Variants in AP3M2 observed in about 807,000 individuals in gnomAD.
The protein encoded by AP3M2 is adaptor related protein complex 3 subunit mu 2.
In AP3M2, 28 loss-of-function variants were observed where a neutral mutation model predicts 41.6. That is an observed-to-expected ratio of 0.67 (90% confidence interval 0.50 to 0.92). The LOEUF (loss-of-function observed/expected upper bound fraction) is 0.92, where lower values mean the gene tolerates loss of function less well. Ranked by LOEUF, AP3M2 falls within the 40% of genes least tolerant of loss-of-function variation. The pLI, the probability that AP3M2 is intolerant of heterozygous loss-of-function variation, is 0.00. For missense variants in AP3M2, 427 were observed against 521.4 expected (o/e 0.82, Z 1.76); for synonymous variants, 193 against 186.4 (o/e 1.04, Z -0.29).
At chr8:42,155,969 T>C (rs138477374) in intron 2 of AP3M2, 4 of 455,950 alleles carry the variant, frequency 8.8e-6, no homozygotes, top group Non-Finnish European at 1.8e-5. Context: ...TTCCCTGCAA[T>C]ACTCTGTAGT....
chr8:42,167,843 G>C, intron 8 of AP3M2, 33 bp downstream of exon 8: 1 of 1,581,142 alleles, frequency 6.3e-7, no homozygotes, highest in Non-Finnish European at 8.5e-7. Context: ...GGCTCCAAAG[G>C]GAACAAAAAC....
rs1488339389 is a variant in AP3M2 at position 42,166,711 on chromosome 8, G to A, written c.804-453G>A. Among the ~76,000 whole-genome samples the A allele has an allele frequency of 2.6e-5, 4 of 151,786 alleles. No homozygotes were observed. The East Asian group carries it at 7.7e-4, about 29-fold the overall frequency. On this transcript the variant is annotated intron_variant, in intron 6 of 8. Coordinates refer to ENST00000396926, the MANE Select transcript of AP3M2 (RefSeq NM_006803.4). ...GAGCCTGGTATGTCGAGGCTGCAGT[G>A]AGCTATGATCGTGCCACTGCACTCC...
chr8:42,162,733 C>T (rs986755950), intron 4 of AP3M2, among the ~76,000 whole-genome samples: 21 of 151,774 alleles, frequency 1.4e-4, no homozygotes, highest in Middle Eastern at 3.4e-3. Context: ...TTGCTTGAGC[C>T]CAGGAGTTTA....
At chr8:42,153,672 T>C (rs1361516992) in intron 1 of AP3M2, 1 of 151,812 alleles carries the variant, frequency 6.6e-6, no homozygotes, top group Non-Finnish European at 1.5e-5. Context: ...TTTTTTTTTT[T>C]TGGAGGTGGA....
In AP3M2 at chr8:42,155,051, A is replaced by T. The variant is rs1323275385; in HGVS notation, c.273+91A>T. ...GTGTAAAGCCTCCATTAAGAAACTTAAAAAAAAAAATCAAAACTCTGGTAT... is the reference window on the plus strand; with the variant it reads ...GTGTAAAGCCTCCATTAAGAAACTTTAAAAAAAAAATCAAAACTCTGGTAT... On this transcript the variant is annotated intron_variant, in intron 2 of 8. Coordinates refer to ENST00000396926, the MANE Select transcript of AP3M2 (RefSeq NM_006803.4). 26 of 740,856 alleles carry T rather than the reference A, an allele frequency of 3.5e-5. No homozygotes were observed. The Middle Eastern group carries it at 1.1e-3, about 32-fold the overall frequency. The allele number at this position is 740,856 out of a possible 1,614,324, so 45.9% of individuals were successfully genotyped here. A position where few individuals can be genotyped will look rare whatever the true frequency, so the allele number is the denominator to read the frequency against.
intron 2 of AP3M2, chr8:42,155,920 ACTTCC>A (rs1397405571): frequency 8.8e-6 from 4 of 453,114 alleles, no homozygotes; most frequent in African/African-American, 4.0e-5. Context: ...GTCTAGAACA[ACTTCC>A]CTTCCCAAGA....
chr8:42,155,579 G>C (rs988986899), intron 2 of AP3M2, among the ~76,000 whole-genome samples: 2 of 152,162 alleles, frequency 1.3e-5, no homozygotes, highest in Admixed American at 6.5e-5. Flanking sequence ...TAGATGTTAA[G>C]AACTTAGGGG....
chr8:42,159,375 A>C (rs1400467758), intron 3 of AP3M2, among the ~76,000 whole-genome samples: 1 of 152,240 alleles, frequency 6.6e-6, no homozygotes, highest in African/African-American at 2.4e-5. Context: ...CACTGTAGTG[A>C]ACCCTGTTAT....
At chr8:42,157,159 C>T (rs1223486626) in intron 2 of AP3M2, among the ~76,000 whole-genome samples, 2 of 152,158 alleles carry the variant, frequency 1.3e-5, no homozygotes, top group East Asian at 3.8e-4. Context: ...ATCACGCATT[C>T]CATTTTGTAG....
chr8:42,167,259 CG>C lies in AP3M2; in HGVS notation c.900del (p.Met301TrpfsTer8). The C allele has an allele frequency of 1.2e-6, 2 of 1,614,088 alleles. No homozygotes were observed. Among genetic ancestry groups the C allele is most frequent in the Non-Finnish European group, 1.7e-6 (2 of 1,180,030 alleles). Reference protein sequence around the residue: ...RFEITVGPKQTMGKTIEGVTV... With the variant: ...RFEITVGPKQXMGKTIEGVTV... ...GAAATAACGGTGGGACCCAAGCAGA[CG>C]ATGGGGAAGACCATTGAGGGAGTGA... On this transcript the variant is annotated frameshift_variant, in exon 7 of 9. Transcript: ENST00000396926. LOFTEE classifies it high-confidence loss of function.
intron 2 of AP3M2, among the ~76,000 whole-genome samples, chr8:42,157,485 C>T (rs1019890616): frequency 7.2e-5 from 11 of 152,126 alleles, no homozygotes; most frequent in Non-Finnish European, 1.2e-4. Context: ...TAGCTTGTCC[C>T]CTTCATTTCA....
At position 42,154,924 on chromosome 8, in the gene AP3M2, C is replaced by G. The variant is rs1456053401; in HGVS notation, c.237C>G (p.Val79=). ...AGACGGAGGTCCCCCCTCTGTTTGTCATTGAGTTTCTTCACCGAGTGGTGG... is the reference window on the plus strand; with the variant it reads ...AGACGGAGGTCCCCCCTCTGTTTGTGATTGAGTTTCTTCACCGAGTGGTGG... The part of the protein sequence containing the change: ...VIQTEVPPLF[V]IEFLHRVVDT... Residue 79 remains valine, a synonymous_variant, in exon 2 of 9, where the codon GTC becomes GTG. Coordinates refer to ENST00000396926, the MANE Select transcript of AP3M2 (RefSeq NM_006803.4). 7 of 1,613,962 alleles carry G rather than the reference C, an allele frequency of 4.3e-6. No homozygotes were observed. Among genetic ancestry groups the G allele is most frequent in the Non-Finnish European group, 5.1e-6 (6 of 1,180,014 alleles).
chr8:42,169,029 ACCAAAG>A lies in AP3M2; in HGVS notation c.1227_1232del (p.Lys410_Ala411del). ...ACCCTTTAAGGGCATAAAATACATG[ACCAAAG>A]CTGGGAAGTTCCAAGTTCGAACCTG... On this transcript the variant is annotated inframe_deletion, in exon 9 of 9. Transcript: ENST00000396926. 1 of 1,612,246 alleles carries A rather than the reference ACCAAAG, an allele frequency of 6.2e-7. No homozygotes were observed. Among genetic ancestry groups the A allele is most frequent in the Non-Finnish European group, 8.5e-7 (1 of 1,179,264 alleles).
Position 42,169,075 on chromosome 8 carries a change from TG to T in AP3M2, c.*15del. ...GTTCGAACCTGAAGGGAGCATTTGC[TG>T]AGGGAATAGTCTTGCACATTTTTTC... On this transcript the variant is annotated 3_prime_UTR_variant, in exon 9 of 9. Coordinates refer to ENST00000396926, the MANE Select transcript of AP3M2 (RefSeq NM_006803.4). The T allele has an allele frequency of 6.3e-7, 1 of 1,581,418 alleles. No homozygotes were observed. Among genetic ancestry groups the T allele is most frequent in the South Asian group, 1.1e-5 (1 of 88,594 alleles).
chr8:42,157,545 C>T (rs1204175301), intron 2 of AP3M2, among the ~76,000 whole-genome samples: 3 of 152,188 alleles, frequency 2.0e-5, no homozygotes. Flanking sequence ...AGAAATAGCA[C>T]AGCAGTAGGG....
At chr8:42,155,242 A>G (rs1728971651) in intron 2 of AP3M2, among the ~76,000 whole-genome samples, 1 of 152,132 alleles carries the variant, frequency 6.6e-6, no homozygotes, top group Non-Finnish European at 1.5e-5. Flanking sequence ...TTTGCTCACA[A>G]ATTAGAGTTT....
At chr8:42,155,825 A>G (rs1804338542) in intron 2 of AP3M2, 2 of 331,592 alleles carry the variant, frequency 6.0e-6, no homozygotes, top group South Asian at 4.7e-5. Context: ...GTGGAATTGG[A>G]GAAGAGAATG....
chr8:42,166,621 G>A (rs915946878), intron 6 of AP3M2, among the ~76,000 whole-genome samples: 1 of 96,480 alleles, frequency 1.0e-5, no homozygotes, highest in East Asian at 3.3e-4. Context: ...GTAAAAATTA[G>A]CGGGGTGTGA....
In AP3M2 at chr8:42,165,413, C is replaced by T; in HGVS notation, c.670-14C>T. 6.2e-7 allele frequency: 1 copy of T among 1,613,634 alleles called. No individual in the cohort carries two copies. Among genetic ancestry groups the T allele is most frequent in the Non-Finnish European group, 8.5e-7 (1 of 1,179,812 alleles). On this transcript the variant is annotated splice_polypyrimidine_tract_variant and intron_variant, in intron 5 of 8. Transcript: ENST00000396926. ...AATGCCCACTTCTTGCTTCTCCTCTCCTGATGACTGTAGAACCCTAGGTTG... is the reference window on the plus strand; with the variant it reads ...AATGCCCACTTCTTGCTTCTCCTCTTCTGATGACTGTAGAACCCTAGGTTG...
Sources: allele counts gnomAD v4.1 joint callset (sites outside exome capture counted in the v4.1 genomes callset), GRCh38; gene constraint gnomAD v4.1.1; transcripts MANE v1.5; gene names NCBI Gene and HGNC (gene_info 2026-07-23, HGNC 2026-07-21).